Variants in GFOD2 observed in about 807,000 individuals in gnomAD.
GFOD2 encodes Gfo/Idh/MocA-like oxidoreductase domain containing 2, also known as glucose-fructose oxidoreductase domain-containing protein 2.
GFOD2 carries 9 observed loss-of-function variants against 24.6 expected under a neutral mutation model. The ratio of observed to expected loss-of-function variants is 0.37; its 90% CI spans 0.22 to 0.64. GFOD2 has a LOEUF of 0.64. Ranked by LOEUF, GFOD2 falls within the 30% of genes least tolerant of loss-of-function variation. The pLI, the probability that GFOD2 is intolerant of heterozygous loss-of-function variation, is 0.65. For synonymous variants in GFOD2, 211 were observed against 224.8 expected, an observed-to-expected ratio of 0.94 and a Z score of 0.55; for missense variants, 476 against 532.5, an observed-to-expected ratio of 0.89 and a Z score of 1.04.
intron 1 of GFOD2, among the ~76,000 whole-genome samples, chr16:67,687,403 G>A (rs2053275332): frequency 6.6e-6 from 1 of 151,788 alleles, no homozygotes; most frequent in Non-Finnish European, 1.5e-5. Context: ...CACTTTGGGA[G>A]GCCGAGGCGG....
intron 1 of GFOD2, among the ~76,000 whole-genome samples, chr16:67,709,480 T>A (rs545783524): frequency 9.9e-5 from 15 of 152,198 alleles, no homozygotes; most frequent in African/African-American, 2.6e-4. Flanking sequence ...ACAGATATAG[T>A]TTCTGCTTGC....
chr16:67,675,004 G>A lies in GFOD2; in HGVS notation c.*151C>T. On this transcript the variant is annotated 3_prime_UTR_variant, in exon 3 of 3. Transcript: ENST00000268797. ...AAGTCTGAGGAGCAGATGAGCCACT[G>A]GAGGGGGCGAAGTCCCAGAGCCACC... 1.2e-6 allele frequency: 1 copy of A among 832,558 alleles called. No individual in the cohort carries two copies. Among genetic ancestry groups the A allele is most frequent in the Non-Finnish European group, 1.9e-6 (1 of 530,832 alleles). 51.6% of individuals were successfully genotyped at this position (832,558 alleles called of 1,614,324 possible).
At chr16:67,713,143 G>A (rs912253995) in intron 1 of GFOD2, among the ~76,000 whole-genome samples, 1 of 150,768 alleles carries the variant, frequency 6.6e-6, no homozygotes, top group Non-Finnish European at 1.5e-5. Context: ...CTCGGCCTCC[G>A]AAAGTACTGG....
chr16:67,700,892 C>T (rs1386661723), intron 1 of GFOD2, among the ~76,000 whole-genome samples: 1 of 150,512 alleles, frequency 6.6e-6, no homozygotes, highest in African/African-American at 2.4e-5. Context: ...AAAAAATTAG[C>T]CAGGCATGGT....
intron 2 of GFOD2, chr16:67,682,095 T>A (rs1260335672): frequency 5.8e-6 from 1 of 173,254 alleles, no homozygotes; most frequent in African/African-American, 2.4e-5. Context: ...TGGAGTGCAG[T>A]GGCGTGATCT....
In GFOD2 at chr16:67,674,935, T is replaced by C. The variant is rs191760265; in HGVS notation, c.*220A>G. On this transcript the variant is annotated 3_prime_UTR_variant, in exon 3 of 3. Coordinates refer to ENST00000268797, the MANE Select transcript of GFOD2 (RefSeq NM_030819.4). ...GAGGCCTGGCGGCAGCTCTGCCCTG[T>C]GCACACCGTGGTAACCTGGCAACAG... 26 of 585,996 alleles carry C rather than the reference T, an allele frequency of 4.4e-5. No individual in the cohort carries two copies. In the Admixed American group the frequency reaches 8.0e-4, roughly 18 times the overall value. The allele number at this position is 585,996 out of a possible 1,614,324, so 36.3% of individuals were successfully genotyped here. A position where few individuals can be genotyped will look rare whatever the true frequency, so the allele number is the denominator to read the frequency against.
chr16:67,682,443 C>T (rs941595229), intron 2 of GFOD2: 3 of 985,346 alleles, frequency 3.0e-6, no homozygotes, highest in East Asian at 1.1e-4. Context: ...GGCAAAGATG[C>T]TAGGGGCACC....
intron 1 of GFOD2, among the ~76,000 whole-genome samples, chr16:67,718,715 C>G (rs555921833): frequency 6.6e-6 from 1 of 152,290 alleles, no homozygotes; most frequent in Admixed American, 6.5e-5. Flanking sequence ...AAAGATTTAT[C>G]CCCAAAAGTC....
intron 2 of GFOD2, chr16:67,684,815 C>G (rs566251576): frequency 2.0e-6 from 2 of 985,534 alleles, no homozygotes; most frequent in Admixed American, 6.1e-5. Flanking sequence ...AATAGAAGAC[C>G]AACGGGAACT....
chr16:67,678,298 G>T (rs930979348), intron 2 of GFOD2, among the ~76,000 whole-genome samples: 1 of 152,112 alleles, frequency 6.6e-6, no homozygotes, highest in African/African-American at 2.4e-5. Context: ...CTAGCAGGAA[G>T]AAACCCCGTC....
intron 1 of GFOD2, among the ~76,000 whole-genome samples, chr16:67,707,058 CA>C (rs34823143): frequency 2.4e-3 from 246 of 102,826 alleles, no homozygotes; most frequent in Middle Eastern, 6.8e-3. Flanking sequence ...GACTCCATCT[CA>C]AAAAAAAAAA....
At chr16:67,717,982 A>G (rs998385702) in intron 1 of GFOD2, among the ~76,000 whole-genome samples, 1 of 152,188 alleles carries the variant, frequency 6.6e-6, no homozygotes. Context: ...TAAACTCCCA[A>G]TCCCAAAGCA....
intron 1 of GFOD2, among the ~76,000 whole-genome samples, chr16:67,702,708 T>A (rs113201209): frequency 1.3e-5 from 2 of 149,588 alleles, no homozygotes; most frequent in African/African-American, 2.5e-5. Context: ...CAAGTGATTC[T>A]CCTGCCTCAA....
chr16:67,701,722 C>A (rs1274050349), intron 1 of GFOD2, among the ~76,000 whole-genome samples: 1 of 147,380 alleles, frequency 6.8e-6, no homozygotes, highest in Non-Finnish European at 1.5e-5. Context: ...ACAGAATATA[C>A]AGAAAAAGGA....
chr16:67,714,106 C>T (rs945084767), intron 1 of GFOD2, among the ~76,000 whole-genome samples: 4 of 152,050 alleles, frequency 2.6e-5, no homozygotes, highest in African/African-American at 7.2e-5. Context: ...AGCCACTGAC[C>T]GTATGAACTA....
At chr16:67,717,084 CG>C (rs1018363803) in intron 1 of GFOD2, among the ~76,000 whole-genome samples, 13 of 152,000 alleles carry the variant, frequency 8.6e-5, no homozygotes, top group African/African-American at 2.9e-4. Context: ...TTAGTAGAGA[CG>C]GGGTTTCATT....
At chr16:67,702,582 G>A (rs966971538) in intron 1 of GFOD2, among the ~76,000 whole-genome samples, 2 of 150,170 alleles carry the variant, frequency 1.3e-5, no homozygotes, top group Non-Finnish European at 3.0e-5. Context: ...TTGTCATGAA[G>A]GTAGCCAGGA....
intron 2 of GFOD2, chr16:67,680,732 A>C (rs764317445): frequency 3.3e-5 from 32 of 977,418 alleles, no homozygotes; most frequent in Non-Finnish European, 3.9e-5. Flanking sequence ...GACATCATTC[A>C]ATCTCTTCAA....
At chr16:67,682,466 TATA>T in intron 2 of GFOD2, 1 of 985,392 alleles carries the variant, frequency 1.0e-6, no homozygotes, top group Non-Finnish European at 1.2e-6. Flanking sequence ...GCACTTAAAA[TATA>T]ATTTCCTGAA....
Sources: gnomAD v4.1 joint callset for allele counts (sites outside exome capture counted in the v4.1 genomes callset) on GRCh38, gnomAD v4.1.1 for gene constraint, MANE v1.5 for transcripts, NCBI Gene and HGNC (gene_info 2026-07-23, HGNC 2026-07-21) for gene names.